PTPN14: variants seen among roughly 807,000 people sequenced by gnomAD.
The protein encoded by PTPN14 is tyrosine-protein phosphatase non-receptor type 14.
A neutral mutation model predicts 126.8 loss-of-function variants in PTPN14; 53 were observed. That is an observed-to-expected ratio of 0.42 (90% CI 0.34 to 0.53). The LOEUF (loss-of-function observed/expected upper bound fraction) is 0.53, where lower values mean the gene tolerates loss of function less well. PTPN14 is among the 20% of genes least tolerant of loss of function. The pLI, the probability that PTPN14 is intolerant of heterozygous loss-of-function variation, is 0.08. For missense variants in PTPN14, 1,257 were observed against 1,552.9 expected, an observed-to-expected ratio of 0.81 and a Z score of 3.20; for synonymous variants, 630 against 599.3, an observed-to-expected ratio of 1.05 and a Z score of -0.75.
At chr1:214,373,715 G>C (rs1240148479) in intron 15 of PTPN14, among the ~76,000 whole-genome samples, 1 of 141,600 alleles carries the variant, frequency 7.1e-6, no homozygotes, top group African/African-American at 2.6e-5. Context: ...AAAAAAAAAA[G>C]ATCATGAAAC....
At chr1:214,476,908 G>A (rs528698872) in intron 1 of PTPN14, among the ~76,000 whole-genome samples, 21 of 152,226 alleles carry the variant, frequency 1.4e-4, no homozygotes, top group African/African-American at 4.3e-4. Context: ...GCTACTTCAC[G>A]GAATACTGCA....
chr1:214,475,827 G>A (rs908557323), intron 1 of PTPN14, among the ~76,000 whole-genome samples: 1 of 152,092 alleles, frequency 6.6e-6, no homozygotes, highest in Non-Finnish European at 1.5e-5. Context: ...TTCCCCCCAC[G>A]ATCACTCAGT....
chr1:214,374,735 T>C (rs1658301134), intron 15 of PTPN14, among the ~76,000 whole-genome samples: 1 of 152,190 alleles, frequency 6.6e-6, no homozygotes, highest in South Asian at 2.1e-4. Context: ...CAGGATGAAA[T>C]GTGGGCCACA....
chr1:214,460,983 C>T (rs1293065192), intron 2 of PTPN14, among the ~76,000 whole-genome samples: 4 of 151,754 alleles, frequency 2.6e-5, no homozygotes, highest in Middle Eastern at 3.4e-3. Context: ...AATGTAGGTT[C>T]AATAATCATA....
chr1:214,525,761 C>A (rs1388361196), intron 1 of PTPN14, among the ~76,000 whole-genome samples: 1 of 152,036 alleles, frequency 6.6e-6, no homozygotes, highest in Non-Finnish European at 1.5e-5. Context: ...TGCCTAAAAC[C>A]AAAATAGCTA....
At chr1:214,474,937 T>G (rs1263342604) in intron 1 of PTPN14, among the ~76,000 whole-genome samples, 1 of 152,222 alleles carries the variant, frequency 6.6e-6, no homozygotes, top group Non-Finnish European at 1.5e-5. Context: ...AACTTTCCTC[T>G]GAAGGCATTC....
rs527894015 is a variant in PTPN14 at position 214,357,684 on chromosome 1, T to C, written c.*238A>G. ...GATGTGGTTCAAATGAAAAGTACTA[T>C]ATTACTAGGGAAACTGCATTATAAT... On this transcript the variant is annotated 3_prime_UTR_variant, in exon 19 of 19. Coordinates refer to ENST00000366956, the MANE Select transcript of PTPN14 (RefSeq NM_005401.5). 19 of 369,022 alleles carry C rather than the reference T, an allele frequency of 5.1e-5. No homozygotes were observed. In the East Asian group the frequency reaches 6.9e-4, roughly 13 times the overall value. The allele number at this position is 369,022 out of a possible 1,614,324, so 22.9% of individuals were successfully genotyped here. A position where few individuals can be genotyped will look rare whatever the true frequency, so the allele number is the denominator to read the frequency against.
chr1:214,412,895 G>A (rs949072760), intron 4 of PTPN14, among the ~76,000 whole-genome samples: 10 of 152,054 alleles, frequency 6.6e-5, no homozygotes, highest in African/African-American at 2.4e-4. Flanking sequence ...TTAGAGACAG[G>A]GTCTTGCTTT....
At chr1:214,452,105 C>T (rs1246356304) in intron 2 of PTPN14, 131 bp from the exon 3 acceptor site, 12 of 992,682 alleles carry the variant, frequency 1.2e-5, no homozygotes, top group Non-Finnish European at 1.8e-5. Flanking sequence ...CCAGCTTTGA[C>T]ATATAACTTT....
intron 1 of PTPN14, among the ~76,000 whole-genome samples, chr1:214,537,137 A>G (rs558282681): frequency 6.6e-6 from 1 of 152,332 alleles, no homozygotes; most frequent in South Asian, 2.1e-4. Flanking sequence ...AACGAAGCAC[A>G]TCCAGTTTGA....
At chr1:214,443,794 C>T (rs532244178) in intron 3 of PTPN14, among the ~76,000 whole-genome samples, 1 of 152,338 alleles carries the variant, frequency 6.6e-6, no homozygotes, top group African/African-American at 2.4e-5. Context: ...AGGTCACAGA[C>T]CCATGAAGCT....
chr1:214,387,161 G>A (rs578146600), intron 11 of PTPN14, among the ~76,000 whole-genome samples: 2 of 152,356 alleles, frequency 1.3e-5, no homozygotes, highest in East Asian at 3.9e-4. Flanking sequence ...ATCAGAAAGA[G>A]AAAGAGGTCA....
intron 18 of PTPN14, among the ~76,000 whole-genome samples, chr1:214,360,864 C>T (rs1012411168): frequency 3.3e-5 from 5 of 152,172 alleles, no homozygotes; most frequent in Admixed American, 3.3e-4. Context: ...GGGGGAGGGA[C>T]CTGGTGGGAG....
At chr1:214,496,260 A>G (rs888872180) in intron 1 of PTPN14, among the ~76,000 whole-genome samples, 48 of 152,298 alleles carry the variant, frequency 3.2e-4, no homozygotes, top group African/African-American at 1.1e-3. Flanking sequence ...AATGTGGAAT[A>G]ATAGTGTGCA....
intron 1 of PTPN14, among the ~76,000 whole-genome samples, chr1:214,497,008 C>A (rs1456833367): frequency 1.3e-5 from 2 of 151,870 alleles, no homozygotes; most frequent in South Asian, 2.1e-4. Flanking sequence ...AACTGAGAGA[C>A]CATACAGATT....
intron 1 of PTPN14, among the ~76,000 whole-genome samples, chr1:214,479,615 A>G (rs566453565): frequency 2.6e-5 from 4 of 152,242 alleles, no homozygotes; most frequent in Admixed American, 2.6e-4. Context: ...CTGAGATTAC[A>G]GGCGTCAGCC....
At chr1:214,429,382 CA>C (rs1659746456) in intron 3 of PTPN14, among the ~76,000 whole-genome samples, 1 of 152,130 alleles carries the variant, frequency 6.6e-6, no homozygotes, top group South Asian at 2.1e-4. Context: ...CATTGTTTCA[CA>C]ATTGTTTGAG....
intron 5 of PTPN14, among the ~76,000 whole-genome samples, chr1:214,408,514 A>G (rs1462076129): frequency 2.0e-5 from 3 of 152,236 alleles, no homozygotes; most frequent in African/African-American, 7.2e-5. Context: ...ATTTTACTCT[A>G]TTGATTCATT....
chr1:214,358,212 T>C (rs892772977), intron 18 of PTPN14, among the ~76,000 whole-genome samples, 162 bp from the exon 19 acceptor site: 5 of 152,220 alleles, frequency 3.3e-5, no homozygotes, highest in African/African-American at 7.2e-5. Flanking sequence ...AAACAGTTTA[T>C]ATCAGCAACT....
Sources: allele counts gnomAD v4.1 joint callset (sites outside exome capture counted in the v4.1 genomes callset), GRCh38; gene constraint gnomAD v4.1.1; transcripts MANE v1.5; gene names NCBI Gene and HGNC (gene_info 2026-07-23, HGNC 2026-07-21).